UAP1: variants seen among roughly 807,000 people sequenced by gnomAD.
The protein encoded by UAP1 is UDP-N-acetylglucosamine pyrophosphorylase 1.
Under a neutral mutation model 58.5 loss-of-function variants are expected in UAP1, and 25 were observed. The ratio of observed to expected loss-of-function variants is 0.43; its 90% CI spans 0.31 to 0.60. UAP1 has a LOEUF of 0.60. Among genes scored for constraint, UAP1 ranks in the 20% least tolerant of loss-of-function variants. UAP1 has a pLI of 0.11. For synonymous variants in UAP1, 208 were observed against 213.0 expected, an observed-to-expected ratio of 0.98 and a Z score of 0.21; for missense variants, 575 against 630.0, an observed-to-expected ratio of 0.91 and a Z score of 0.93.
exon 6 of UAP1, chr1:162,587,494 C>A: frequency 6.2e-7 from 1 of 1,613,366 alleles, no homozygotes; most frequent in Non-Finnish European, 8.5e-7. Flanking sequence ...AAAACGAACC[C>A]TACAGAACCA....
At chr1:162,590,216 G>T in intron 7 of UAP1, 107 bp from the exon 8 acceptor site, 1 of 810,122 alleles carries the variant, frequency 1.2e-6, no homozygotes, top group Non-Finnish European at 1.9e-6. Context: ...CATTCAGATT[G>T]GAATAGGAAA....
chr1:162,590,769 G>T (rs1328691982), intron 8 of UAP1, among the ~76,000 whole-genome samples: 1 of 151,248 alleles, frequency 6.6e-6, no homozygotes. Context: ...CACCATGACA[G>T]CAAAAAGACT....
At chr1:162,575,037 T>C (rs1654088585) in intron 2 of UAP1, among the ~76,000 whole-genome samples, 1 of 152,180 alleles carries the variant, frequency 6.6e-6, no homozygotes, top group Non-Finnish European at 1.5e-5. Flanking sequence ...TCTTAGCTGG[T>C]ATAGATGGCC....
exon 2 of UAP1, chr1:162,566,200 G>T (rs754236102): frequency 6.2e-7 from 1 of 1,614,048 alleles, no homozygotes; most frequent in Non-Finnish European, 8.5e-7. Flanking sequence ...ACTTTGAGGA[G>T]CTGAACTTCT....
chr1:162,580,568 T>C (rs1654521022), intron 4 of UAP1, among the ~76,000 whole-genome samples: 1 of 152,240 alleles, frequency 6.6e-6, no homozygotes, highest in South Asian at 2.1e-4. Context: ...GAATCTGTAC[T>C]TGGAGGAAAG....
rs145350097 is a variant in UAP1 at position 162,571,152 on chromosome 1, G to A, written c.280+4804G>A. 2.0e-3 allele frequency among the ~76,000 whole-genome samples: 298 copies of A among 149,052 alleles called. 6 individuals carry two copies. In the East Asian group the frequency reaches 0.049, roughly 24 times the overall value. On this transcript the variant is annotated intron_variant, in intron 2 of 10. Transcript: ENST00000271469. ...TGTTTGTTTGTTTGTTTTTTGAGGCGGAGTCTCACTCCGTTGCCCAGGCTG... is the reference window on the plus strand; with the variant it reads ...TGTTTGTTTGTTTGTTTTTTGAGGCAGAGTCTCACTCCGTTGCCCAGGCTG...
chr1:162,570,423 T>TA (rs1488184935), intron 2 of UAP1, among the ~76,000 whole-genome samples: 1 of 152,168 alleles, frequency 6.6e-6, no homozygotes, highest in East Asian at 1.9e-4. Context: ...CCCCCTTGAT[T>TA]AAAAATTATG....
At chr1:162,568,659 C>T (rs1653675648) in intron 2 of UAP1, among the ~76,000 whole-genome samples, 1 of 152,176 alleles carries the variant, frequency 6.6e-6, no homozygotes, top group Non-Finnish European at 1.5e-5. Flanking sequence ...GATACCATGA[C>T]TTCTATTACT....
chr1:162,581,588 T>A, intron 5 of UAP1, 129 bp downstream of exon 5: 3 of 960,048 alleles, frequency 3.1e-6, no homozygotes, highest in Non-Finnish European at 3.0e-6. Context: ...CTAAAGTAAC[T>A]AAACGGTCCC....
intron 3 of UAP1, among the ~76,000 whole-genome samples, chr1:162,577,715 G>A (rs570649805): frequency 2.0e-4 from 30 of 151,582 alleles, no homozygotes; most frequent in African/African-American, 6.3e-4. Flanking sequence ...GGGTTCAAGC[G>A]GTTCTCCTGC....
chr1:162,586,370 C>T (rs964231087), intron 5 of UAP1, among the ~76,000 whole-genome samples: 12 of 152,056 alleles, frequency 7.9e-5, no homozygotes, highest in East Asian at 5.8e-4. Flanking sequence ...TGCCCAGGCT[C>T]GAGTGGAGTG....
chr1:162,571,340 G>A (rs1024789161), intron 2 of UAP1, among the ~76,000 whole-genome samples: 22 of 152,106 alleles, frequency 1.4e-4, no homozygotes, highest in African/African-American at 3.9e-4. Flanking sequence ...ATGTTGGCCC[G>A]GCTGGTCTTG....
chr1:162,596,562 T>C (rs1490098972), intron 9 of UAP1, among the ~76,000 whole-genome samples: 1 of 152,170 alleles, frequency 6.6e-6, no homozygotes, highest in Non-Finnish European at 1.5e-5. Flanking sequence ...AGCCAAATCT[T>C]GGAGGATGAG....
At chr1:162,568,972 T>C (rs917234455) in intron 2 of UAP1, among the ~76,000 whole-genome samples, 5 of 152,214 alleles carry the variant, frequency 3.3e-5, no homozygotes, top group Non-Finnish European at 5.9e-5. Flanking sequence ...TCCGGAACTA[T>C]TAGAACCAAG....
At chr1:162,587,419 C>G in intron 5 of UAP1, 56 bp from the exon 6 acceptor site, 1 of 1,479,832 alleles carries the variant, frequency 6.8e-7, no homozygotes, top group Non-Finnish European at 9.2e-7. Context: ...AATGGCAAAT[C>G]TCCAAAGAAA....
At chr1:162,567,647 G>T (rs569501623) in intron 2 of UAP1, among the ~76,000 whole-genome samples, 2 of 152,254 alleles carry the variant, frequency 1.3e-5, no homozygotes, top group African/African-American at 4.8e-5. Flanking sequence ...CTGTGAATGA[G>T]AACTTGGGCA....
chr1:162,577,881 A>G (rs1316927998), intron 3 of UAP1, among the ~76,000 whole-genome samples: 1 of 151,910 alleles, frequency 6.6e-6, no homozygotes, highest in African/African-American at 2.4e-5. Context: ...AAGTGCTGAG[A>G]TTACAGGCAT....
At position 162,592,744 on chromosome 1, in the gene UAP1, T is replaced by TTTCC. The variant is rs1557980107; in HGVS notation, c.1371_1372insTTCC (p.Gly458PhefsTer10). The TTTCC allele has an allele frequency of 1.3e-6, 2 of 1,550,052 alleles. No homozygotes were observed. The highest frequency in any genetic ancestry group is 3.9e-5 in the Admixed American group (2 of 51,002). On this transcript the variant is annotated frameshift_variant, in exon 9 of 11. Coordinates refer to ENST00000271469, the Ensembl canonical transcript of UAP1. LOFTEE classifies it high-confidence loss of function. ...TATTCCCACATAGCAGTGCTACAAA[T>TTTCC]GGGAAGTCAGAGACCATCACAGCTG...
chr1:162,575,714 T>A lies in UAP1; in HGVS notation c.281-1063T>A, dbSNP rs560188984. Reference sequence around the variant, plus strand: ...GTAGTTTTATGTTTTTGTATTTTGTTTTTTTTTTTTGAGTCTCGCTCTGTC... The same window carrying A: ...GTAGTTTTATGTTTTTGTATTTTGTATTTTTTTTTTGAGTCTCGCTCTGTC... On this transcript the variant is annotated intron_variant, in intron 2 of 10. Coordinates refer to ENST00000271469, the Ensembl canonical transcript of UAP1. 2.7e-5 allele frequency among the ~76,000 whole-genome samples: 4 copies of A among 149,548 alleles called. No individual in the cohort carries two copies. In the South Asian group the frequency reaches 8.4e-4, roughly 31 times the overall value.
Sources: gnomAD v4.1 joint callset for allele counts (sites outside exome capture counted in the v4.1 genomes callset) on GRCh38, gnomAD v4.1.1 for gene constraint, MANE v1.5 for transcripts, NCBI Gene and HGNC (gene_info 2026-07-23, HGNC 2026-07-21) for gene names.